SLC25A41: variants seen among roughly 807,000 people sequenced by gnomAD.
SLC25A41 encodes the protein solute carrier family 25 member 41.
A neutral mutation model predicts 34.7 loss-of-function variants in SLC25A41; 35 were observed. The observed-to-expected ratio is 1.01, with a 90% CI of 0.77 to 1.34. SLC25A41 has a LOEUF of 1.34. Ranked by LOEUF, SLC25A41 falls within the 40% of genes most tolerant of loss-of-function variation. The pLI is 0.00. For missense variants in SLC25A41, 492 were observed against 489.8 expected (o/e 1.00, Z -0.04); for synonymous variants, 190 against 209.9 (o/e 0.91, Z 0.82).
chr19:6,428,807 G>A (rs1363248023), intron 4 of SLC25A41, among the ~76,000 whole-genome samples: 1 of 144,356 alleles, frequency 6.9e-6, no homozygotes, highest in Non-Finnish European at 1.5e-5. Context: ...TCGACCTTCT[G>A]GGCTCAAGTG....
In SLC25A41 at chr19:6,432,116, C is replaced by T. The variant is rs552495111; in HGVS notation, c.296G>A (p.Gly99Glu). ...GCGAGACACCGCCCCGGCCATAGCTCCTGAGAGTAGAAACTTCCACAAGGC... is the reference window on the plus strand; with the variant it reads ...GCGAGACACCGCCCCGGCCATAGCTTCTGAGAGTAGAAACTTCCACAAGGC... The part of the protein sequence containing the change: ...KEALWKFLLS[G>E]AMAGAVSRTG... The change falls in exon 2 of 7, where the codon GGA becomes GAA. Residue 99 changes from glycine (G) to glutamate (E), a missense_variant. Coordinates refer to ENST00000321510, the MANE Select transcript of SLC25A41 (RefSeq NM_173637.4). 4 of 1,613,966 alleles carry T rather than the reference C, an allele frequency of 2.5e-6. No individual in the cohort carries two copies. Among genetic ancestry groups the T allele is most frequent in the East Asian group, 4.5e-5 (2 of 44,878 alleles).
Position 6,426,226 on chromosome 19 carries a change from A to C in SLC25A41, c.*163T>G. The C allele has an allele frequency of 2.1e-5, 12 of 581,190 alleles. No homozygotes were observed. Among genetic ancestry groups the C allele is most frequent in the East Asian group, 1.1e-4 (3 of 27,096 alleles). 36.0% of individuals were successfully genotyped at this position (581,190 alleles called of 1,614,324 possible). A position where few individuals can be genotyped will look rare whatever the true frequency, so the allele number is the denominator to read the frequency against. ...TCCACCCACCACCAACCCCAGCTTCAGGAATCTTCTGACCCAGAGCCCCAC... is the reference window on the plus strand; with the variant it reads ...TCCACCCACCACCAACCCCAGCTTCCGGAATCTTCTGACCCAGAGCCCCAC... On this transcript the variant is annotated 3_prime_UTR_variant, in exon 7 of 7. Coordinates refer to ENST00000321510, the MANE Select transcript of SLC25A41 (RefSeq NM_173637.4).
In SLC25A41 at chr19:6,429,153, A is replaced by ATTATATATATG. The variant is rs2092266771; in HGVS notation, c.624+570_624+571insCATATATATAA. 6.8e-5 allele frequency among the ~76,000 whole-genome samples: 2 copies of ATTATATATATG among 29,442 alleles called. 1 individual carries two copies. The highest frequency in any genetic ancestry group is 1.1e-4 in the Non-Finnish European group (2 of 18,920). The allele number at this position is 29,442 out of a possible 152,430, so 19.3% of individuals were successfully genotyped here. A position where few individuals can be genotyped will look rare whatever the true frequency, so the allele number is the denominator to read the frequency against. ...TGTTATATATATATATAATATATAT[A>ATTATATATATG]TTATATATATAATATATATATAATA... On this transcript the variant is annotated intron_variant, in intron 4 of 6. Coordinates refer to ENST00000321510, the MANE Select transcript of SLC25A41 (RefSeq NM_173637.4).
At position 6,426,437 on chromosome 19, in the gene SLC25A41, G is replaced by A. The variant is rs2092241059; in HGVS notation, c.1065C>T (p.Gly355=). The stretch of plus-strand genomic sequence containing the variant: ...TGGCTTCGTACACCACATAGCTGAT[G>A]CCACCTGCTGGTAAGACCTTCAGTA... ...PTLLKVLPAG[G]ISYVVYEAMK... Residue 355 remains glycine (G), a synonymous_variant, in exon 7 of 7, where the codon GGC becomes GGT. Coordinates refer to ENST00000321510, the MANE Select transcript of SLC25A41 (RefSeq NM_173637.4). The A allele has an allele frequency of 6.2e-7, 1 of 1,613,836 alleles. No homozygotes were observed.
Position 6,427,711 on chromosome 19 carries a change from G to T in SLC25A41, c.625-210C>A, listed in dbSNP as rs150938072. On this transcript the variant is annotated intron_variant, in intron 4 of 6. Transcript: ENST00000321510. The surrounding 1 kb of genome is among the most constrained non-coding windows in gnomAD (Gnocchi z 4.9). ...TGCTGGCAAAGGCCAAGAGAGTGAG[G>T]GAAGAAGGCTCACGTCTGTCTTCCC... Among the ~76,000 whole-genome samples the T allele has an allele frequency of 1.6e-3, 248 of 152,338 alleles. No homozygotes were observed. The highest frequency in any genetic ancestry group is 3.1e-3 in the Non-Finnish European group (212 of 68,030).
rs751481408 is a variant in SLC25A41, at chr19:6,426,536, G to A, written c.966C>T (p.Thr322=). 5 of 1,613,186 alleles carry A rather than the reference G, an allele frequency of 3.1e-6. No individual in the cohort carries two copies. Among genetic ancestry groups the A allele is most frequent in the South Asian group, 1.1e-5 (1 of 91,084 alleles). Residue 322 remains threonine (T), a synonymous_variant, in exon 7 of 7, where the codon ACC becomes ACT. Coordinates refer to ENST00000321510, the MANE Select transcript of SLC25A41 (RefSeq NM_173637.4). ...GGATCCGCTGGAGGACTCCGCGCAT[G>A]GTGGGATTTGAGCCCTCCACGGTAT... ...AQDTVEGSNP[T]MRGVLQRILA...
intron 4 of SLC25A41, among the ~76,000 whole-genome samples, chr19:6,428,137 T>C (rs1357597998): frequency 6.6e-6 from 1 of 151,914 alleles, no homozygotes; most frequent in Non-Finnish European, 1.5e-5. Flanking sequence ...GAACCCTAGG[T>C]CGGGTGCGGT....
upstream of SLC25A41, among the ~76,000 whole-genome samples, chr19:6,433,974 C>T (rs1057182287): frequency 6.6e-6 from 1 of 152,124 alleles, no homozygotes; most frequent in Non-Finnish European, 1.5e-5. Flanking sequence ...GACGGAGTCT[C>T]GCTCAGTCTC....
At chr19:6,429,067 TATATATAA>T (rs2092260679) in intron 4 of SLC25A41, among the ~76,000 whole-genome samples, 2 of 65,382 alleles carry the variant, frequency 3.1e-5, no homozygotes, top group African/African-American at 1.6e-4. Context: ...ATGTTATATA[TATATATAA>T]TATATATATT....
At chr19:6,429,661 C>A (rs1356983038) in intron 4 of SLC25A41, 63 bp downstream of exon 4, 5 of 1,252,454 alleles carry the variant, frequency 4.0e-6, no homozygotes, top group Non-Finnish European at 5.5e-6. Context: ...GGAAGTAGCC[C>A]CAGCAACGTG....
rs1224275842 is a variant in SLC25A41 at position 6,430,142 on chromosome 19, T to C, written c.383A>G (p.Asn128Ser). 6.2e-7 allele frequency: 1 copy of C among 1,612,650 alleles called. No homozygotes were observed. Among genetic ancestry groups the C allele is most frequent in the Admixed American group, 1.7e-5 (1 of 59,828 alleles). Residue 128 changes from asparagine to serine, a missense_variant, in exon 3 of 7, where the codon AAC becomes AGC. Coordinates refer to ENST00000321510, the MANE Select transcript of SLC25A41 (RefSeq NM_173637.4). ...VYMQVYSSKT[N>S]FTNLLGGLQS... Reference sequence around the variant, plus strand: ...TAGCCCCCCCAGCAGGTTGGTGAAGTTCGTCTTGGAGGAGTAGACCTGGGT... The same window carrying C: ...TAGCCCCCCCAGCAGGTTGGTGAAGCTCGTCTTGGAGGAGTAGACCTGGGT...
Position 6,426,277 on chromosome 19 carries a change from C to A in SLC25A41, c.*112G>T. 2 of 665,766 alleles carry A rather than the reference C, an allele frequency of 3.0e-6. No individual in the cohort carries two copies. Among genetic ancestry groups the A allele is most frequent in the Non-Finnish European group, 4.2e-6 (2 of 481,008 alleles). The allele number at this position is 665,766 out of a possible 1,614,324, so 41.2% of individuals were successfully genotyped here. The stretch of plus-strand genomic sequence containing the variant: ...CCCCACCCCCAGCCTGCTTTTGCCA[C>A]CAAAAACTGCCCCAGGGCCTGAACC... On this transcript the variant is annotated 3_prime_UTR_variant, in exon 7 of 7. Transcript: ENST00000321510.
chr19:6,432,025 G>A (rs530972985), intron 2 of SLC25A41, 24 bp downstream of exon 2: 32 of 1,597,558 alleles, frequency 2.0e-5, no homozygotes, highest in Non-Finnish European at 2.3e-5. Flanking sequence ...GCTGGGTCCC[G>A]TCCTCCCCCC....
intron 6 of SLC25A41, 87 bp from the exon 7 acceptor site, chr19:6,426,648 C>A: frequency 2.7e-6 from 4 of 1,492,352 alleles, no homozygotes; most frequent in Non-Finnish European, 3.6e-6. Context: ...GTGCTGAAGC[C>A]ACGGGTAGGG....
At position 6,427,076 on chromosome 19, in the gene SLC25A41, C is replaced by G; in HGVS notation, c.940+27G>C. ...CAGGGTGGGGCGGGGAAGGGGCATGCGTGGTGGCCGCTGGGGACAGGCTGA... is the reference window on the plus strand; with the variant it reads ...CAGGGTGGGGCGGGGAAGGGGCATGGGTGGTGGCCGCTGGGGACAGGCTGA... On this transcript the variant is annotated intron_variant, in intron 6 of 6. Transcript: ENST00000321510. The surrounding 1 kb of genome is among the most constrained non-coding windows in gnomAD (Gnocchi z 4.9). 2 of 1,574,216 alleles carry G rather than the reference C, an allele frequency of 1.3e-6. No homozygotes were observed. The highest frequency in any genetic ancestry group is 1.7e-6 in the Non-Finnish European group (2 of 1,160,702).
chr19:6,430,467 C>CCCTT (rs1369416799), intron 2 of SLC25A41: 1 of 490,314 alleles, frequency 2.0e-6, no homozygotes, highest in African/African-American at 2.1e-5. Context: ...CTCCCTCCCT[C>CCCTT]CCTTCCTCCG....
intron 2 of SLC25A41, among the ~76,000 whole-genome samples, chr19:6,431,513 C>T (rs2092285406): frequency 6.6e-6 from 1 of 151,840 alleles, no homozygotes; most frequent in Non-Finnish European, 1.5e-5. Flanking sequence ...AATCTCGGCT[C>T]ACTGCAACCT....
intron 2 of SLC25A41, chr19:6,430,396 A>C: frequency 1.8e-6 from 1 of 566,160 alleles, no homozygotes. Context: ...TCATCTCCTC[A>C]GTCTTTTTCT....
upstream of SLC25A41, among the ~76,000 whole-genome samples, chr19:6,435,580 G>T (rs1312078958): frequency 6.6e-6 from 1 of 152,126 alleles, no homozygotes; most frequent in Non-Finnish European, 1.5e-5. Context: ...AAATTAGCTG[G>T]GTGTGGTGGT....
Sources: gnomAD v4.1 joint callset for allele counts (sites outside exome capture counted in the v4.1 genomes callset) on GRCh38, gnomAD v4.1.1 for gene constraint, Gnocchi (gnomAD v3.1) non-coding constraint, MANE v1.5 for transcripts, NCBI Gene and HGNC (gene_info 2026-07-23, HGNC 2026-07-21) for gene names.